VPS37A: variants seen among roughly 807,000 people sequenced by gnomAD.
VPS37A encodes the protein vacuolar protein sorting-associated protein 37A.
Under a neutral mutation model 49.8 loss-of-function variants are expected in VPS37A, and 30 were observed. The ratio of observed to expected loss-of-function variants is 0.60; its 90% confidence interval spans 0.45 to 0.82. VPS37A has a LOEUF of 0.82. VPS37A is among the 40% of genes least tolerant of loss of function. The pLI is 0.00. For missense variants in VPS37A, 593 were observed against 464.4 expected, an observed-to-expected ratio of 1.28 and a Z score of -2.55; for synonymous variants, 195 against 160.6, an observed-to-expected ratio of 1.21 and a Z score of -1.62.
the VPS37A span, among the ~76,000 whole-genome samples, chr8:17,324,521 C>T: frequency 7.9e-5 from 12 of 152,326 alleles, 1 homozygote; most frequent in East Asian, 1.3e-3. Context: ...TAGTGTTGGA[C>T]GGTCCAGATG....
chr8:17,284,671 T>C (rs1197631749), intron 10 of VPS37A, 55 bp downstream of exon 10: 4 of 1,532,488 alleles, frequency 2.6e-6, no homozygotes, highest in African/African-American at 2.9e-5. Context: ...GGTATTTTTA[T>C]AGAGGAGGAG....
chr8:17,294,397 G>C (rs1816434498), intron 11 of VPS37A, among the ~76,000 whole-genome samples: 1 of 152,150 alleles, frequency 6.6e-6, no homozygotes, highest in Non-Finnish European at 1.5e-5. Context: ...ACTCCATAGG[G>C]GTGGGATCCG....
Position 17,296,037 on chromosome 8 carries a change from G to A in VPS37A, c.*1051G>A, listed in dbSNP as rs1361777136. Reference sequence around the variant, plus strand: ...CCGTGAACTATGTAGCTCAGGCTTGGTAAGGTGCCATCTAAATTACAAAAC... The same window carrying A: ...CCGTGAACTATGTAGCTCAGGCTTGATAAGGTGCCATCTAAATTACAAAAC... On this transcript the variant is annotated 3_prime_UTR_variant, in exon 12 of 12. Coordinates refer to ENST00000324849, the MANE Select transcript of VPS37A (RefSeq NM_152415.3). 1 of 152,154 alleles carries A rather than the reference G, an allele frequency of 6.6e-6. No homozygotes were observed. The highest frequency in any genetic ancestry group is 1.5e-5 in the Non-Finnish European group (1 of 68,020). The allele number at this position is 152,154 out of a possible 1,614,324, so 9.4% of individuals were successfully genotyped here.
intron 11 of VPS37A, among the ~76,000 whole-genome samples, chr8:17,290,385 C>T (rs889966621): frequency 1.3e-5 from 2 of 152,086 alleles, no homozygotes; most frequent in African/African-American, 4.8e-5. Flanking sequence ...GTGTTTTTAG[C>T]ATGAAGGGGT....
intron 1 of VPS37A, chr8:17,247,883 G>C (rs1319739074): frequency 1.5e-5 from 10 of 653,896 alleles, no homozygotes; most frequent in Non-Finnish European, 2.8e-5. Context: ...CAGTCTTCTT[G>C]AGTCTCTAAG....
rs757080070 is a variant in VPS37A at position 17,280,368 on chromosome 8, C to T, written c.901-7C>T. On this transcript the variant is annotated splice_polypyrimidine_tract_variant and splice_region_variant and intron_variant, in intron 8 of 11. Coordinates refer to ENST00000324849, the MANE Select transcript of VPS37A (RefSeq NM_152415.3). ...GAATAAAACAACCTTTTCATTTTCTCTTTTAGTATGAATTACTTACACAGA... is the reference window on the plus strand; with the variant it reads ...GAATAAAACAACCTTTTCATTTTCTTTTTTAGTATGAATTACTTACACAGA... 6.9e-6 allele frequency: 11 copies of T among 1,604,106 alleles called. No homozygotes were observed. The highest frequency in any genetic ancestry group is 2.3e-5 in the South Asian group (2 of 88,268).
At chr8:17,320,232 A>G in the VPS37A span, among the ~76,000 whole-genome samples, 3 of 152,154 alleles carry the variant, frequency 2.0e-5, no homozygotes, top group East Asian at 3.8e-4. Context: ...TGTGTCTTGC[A>G]TTTTACTTCT....
the VPS37A span, chr8:17,309,221 T>C: frequency 8.5e-7 from 1 of 1,180,030 alleles, no homozygotes; most frequent in Non-Finnish European, 1.2e-6. Context: ...CAATTGAAAT[T>C]TTCAGAAACA....
downstream of VPS37A, among the ~76,000 whole-genome samples, chr8:17,307,060 G>A (rs968586467): frequency 6.6e-6 from 1 of 152,150 alleles, no homozygotes; most frequent in Admixed American, 6.5e-5. Flanking sequence ...AAACTAAAGA[G>A]CTTCTGCACA....
At chr8:17,316,346 A>C in the VPS37A span, among the ~76,000 whole-genome samples, 1 of 151,874 alleles carries the variant, frequency 6.6e-6, no homozygotes, top group Non-Finnish European at 1.5e-5. Flanking sequence ...ATATTATGTA[A>C]ATAAATTTCA....
chr8:17,300,032 G>A, downstream of VPS37A: 2 of 1,614,128 alleles, frequency 1.2e-6, no homozygotes, highest in Non-Finnish European at 1.7e-6. Flanking sequence ...TCTTGGGTTA[G>A]AATCAGAGCA....
chr8:17,270,103 G>C lies in VPS37A; in HGVS notation c.416+1147G>C, dbSNP rs562708677. On this transcript the variant is annotated intron_variant, in intron 4 of 11. Transcript: ENST00000324849. ...ATCTCATGAGAACTCACTATGGCAAGGACAGCACCAAGAGGATGGCATTAA... is the reference window on the plus strand; with the variant it reads ...ATCTCATGAGAACTCACTATGGCAACGACAGCACCAAGAGGATGGCATTAA... Among the ~76,000 whole-genome samples, 19 of 152,106 alleles carry C rather than the reference G, an allele frequency of 1.2e-4. No homozygotes were observed. In the South Asian group the frequency reaches 3.5e-3, roughly 28 times the overall value.
chr8:17,321,240 CA>C, the VPS37A span, among the ~76,000 whole-genome samples: 13 of 152,144 alleles, frequency 8.5e-5, no homozygotes, highest in Non-Finnish European at 1.6e-4. Flanking sequence ...TGGCCTGTGC[CA>C]AAAGCAAGAG....
chr8:17,311,295 G>C, the VPS37A span, among the ~76,000 whole-genome samples: 1 of 152,130 alleles, frequency 6.6e-6, no homozygotes, highest in Admixed American at 6.5e-5. Context: ...GACTTGAAAT[G>C]GTTTCAATAT....
At chr8:17,304,598 A>G, downstream of VPS37A, 1 of 1,460,692 alleles carries the variant, frequency 6.8e-7, no homozygotes, top group East Asian at 2.3e-5. Context: ...AATGCTGGAA[A>G]GGAACTAATA....
chr8:17,332,819 T>A, the VPS37A span, among the ~76,000 whole-genome samples: 2 of 152,132 alleles, frequency 1.3e-5, no homozygotes, highest in African/African-American at 4.8e-5. Flanking sequence ...AACCAACTTA[T>A]AGATATGTAT....
intron 4 of VPS37A, among the ~76,000 whole-genome samples, chr8:17,273,023 C>CTTTTTTTTTTTTTTTT (rs1166192119): frequency 2.3e-5 from 1 of 43,826 alleles, no homozygotes; most frequent in African/African-American, 1.0e-4. Context: ...TTTGCCCTTC[C>CTTTTTTTTTTTTTTTT]TTTTTTTTTT....
intron 1 of VPS37A, among the ~76,000 whole-genome samples, chr8:17,251,681 AATT>A (rs1326612409): frequency 3.5e-4 from 53 of 152,318 alleles, no homozygotes; most frequent in African/African-American, 1.3e-3. Flanking sequence ...AAATAACCTA[AATT>A]ATTATCTTGC....
chr8:17,314,228 T>C, the VPS37A span, among the ~76,000 whole-genome samples: 27,860 of 152,110 alleles, frequency 0.18, 2,668 homozygotes, highest in Non-Finnish European at 0.22. Flanking sequence ...TAAAGCCCTA[T>C]TGAGGAGTCT....
Sources: allele counts gnomAD v4.1 joint callset (sites outside exome capture counted in the v4.1 genomes callset), GRCh38; gene constraint gnomAD v4.1.1; transcripts MANE v1.5; gene names NCBI Gene and HGNC (gene_info 2026-07-23, HGNC 2026-07-21).